Variants in ABI3BP observed in about 807,000 individuals in gnomAD.
ABI3BP encodes target of Nesh-SH3.
Under a neutral mutation model 268.6 loss-of-function variants are expected in ABI3BP, and 216 were observed. The observed-to-expected ratio is 0.80, with a 90% CI of 0.72 to 0.90. The LOEUF (loss-of-function observed/expected upper bound fraction) is 0.90. Among genes scored for constraint, ABI3BP ranks in the 40% least tolerant of loss-of-function variants. The probability of loss-of-function intolerance (pLI) is 0.00; values close to 1 mark genes in which losing one functional copy is unlikely to be tolerated. For missense variants in ABI3BP, 2,090 were observed against 2,182.4 expected, an observed-to-expected ratio of 0.96 and a Z score of 0.84; for synonymous variants, 730 against 730.0, an observed-to-expected ratio of 1.00 and a Z score of 0.00.
At chr3:100,977,340 G>A (rs531532328) in intron 1 of ABI3BP, among the ~76,000 whole-genome samples, 8 of 152,184 alleles carry the variant, frequency 5.3e-5, no homozygotes, top group Non-Finnish European at 1.2e-4. Context: ...CATCCATACA[G>A]TTTCTGTGGA....
At position 100,950,292 on chromosome 3, in the gene ABI3BP, G is replaced by A. The variant is rs565082282; in HGVS notation, c.80-23811C>T. Among the ~76,000 whole-genome samples the A allele has an allele frequency of 1.4e-3, 215 of 152,262 alleles. 2 individuals are homozygous for A. The highest frequency in any genetic ancestry group is 6.8e-3 in the Middle Eastern group (2 of 294). ...ACACATACAATAGTTTTTTAAAATG[G>A]AAAATATTATGCTTGATAGGAATTA... On this transcript the variant is annotated intron_variant, in intron 1 of 67. Coordinates refer to ENST00000471714, the MANE Select transcript of ABI3BP (RefSeq NM_001375547.2).
chr3:100,844,924 T>C (rs2098750441), intron 20 of ABI3BP, among the ~76,000 whole-genome samples: 1 of 152,210 alleles, frequency 6.6e-6, no homozygotes, highest in Non-Finnish European at 1.5e-5. Flanking sequence ...GATAAAAATA[T>C]AACCTTCCTC....
chr3:100,942,945 A>G (rs2070204203), intron 1 of ABI3BP, among the ~76,000 whole-genome samples: 2 of 152,142 alleles, frequency 1.3e-5, no homozygotes, highest in South Asian at 4.1e-4. Context: ...CTTCACTGTT[A>G]AATTTCCTAT....
In ABI3BP at chr3:100,864,083, T is replaced by TA. The variant is rs1311268330; in HGVS notation, c.1064-8dup. 2.1e-5 allele frequency: 32 copies of TA among 1,531,426 alleles called. No individual in the cohort carries two copies. The highest frequency in any genetic ancestry group is 2.6e-5 in the Non-Finnish European group (30 of 1,142,636). The allele number at this position is 1,531,426 out of a possible 1,614,324, so 94.9% of individuals were successfully genotyped here. On this transcript the variant is annotated splice_polypyrimidine_tract_variant and splice_region_variant and intron_variant, in intron 11 of 67. Coordinates refer to ENST00000471714, the MANE Select transcript of ABI3BP (RefSeq NM_001375547.2). ...GGGGTCCTTTTGCTGAGAACTACAA[T>TA]AAAAAAGAGTGCAGTTAGCAACTCC...
chr3:100,974,717 G>C (rs1338333391), intron 1 of ABI3BP, among the ~76,000 whole-genome samples: 1 of 152,100 alleles, frequency 6.6e-6, no homozygotes, highest in Non-Finnish European at 1.5e-5. Context: ...ATAGACAAAG[G>C]AACTAGAGAA....
At chr3:100,799,870 G>C (rs964753609) in intron 51 of ABI3BP, among the ~76,000 whole-genome samples, 6 of 152,130 alleles carry the variant, frequency 3.9e-5, no homozygotes, top group African/African-American at 1.2e-4. Context: ...CCTGACTTCT[G>C]TTTAGAAGTC....
chr3:100,780,298 T>C, intron 57 of ABI3BP, 89 bp from the exon 58 acceptor site: 1 of 1,233,762 alleles, frequency 8.1e-7, no homozygotes, highest in Non-Finnish European at 1.2e-6. Context: ...ACGTACATTC[T>C]TTGCAGAGCA....
chr3:100,792,021 G>A (rs565740542), intron 55 of ABI3BP, among the ~76,000 whole-genome samples: 33 of 151,854 alleles, frequency 2.2e-4, no homozygotes, highest in African/African-American at 7.2e-4. Context: ...ATGGGCAAAA[G>A]GGGTATTAGC....
intron 1 of ABI3BP, among the ~76,000 whole-genome samples, chr3:100,966,410 C>T (rs540791248): frequency 6.6e-6 from 1 of 152,292 alleles, no homozygotes; most frequent in East Asian, 1.9e-4. Flanking sequence ...AAATCCAGTC[C>T]ACCACCTGTT....
At chr3:100,896,010 GTACTCCAAA>G (rs1296753547) in intron 4 of ABI3BP, among the ~76,000 whole-genome samples, 1 of 152,130 alleles carries the variant, frequency 6.6e-6, no homozygotes, top group African/African-American at 2.4e-5. Flanking sequence ...AAATTTACTA[GTACTCCAAA>G]TACTCCTTTT....
chr3:100,777,346 C>T (rs993735900), intron 59 of ABI3BP, among the ~76,000 whole-genome samples: 13 of 152,178 alleles, frequency 8.5e-5, no homozygotes, highest in Admixed American at 8.5e-4. Context: ...GGGTGAAGAA[C>T]CCTCAGTATG....
chr3:100,755,965 C>T lies in ABI3BP; in HGVS notation c.4851-1274G>A, dbSNP rs536114201. Among the ~76,000 whole-genome samples, 247 of 151,524 alleles carry T rather than the reference C, an allele frequency of 1.6e-3. 1 individual carries two copies. Among genetic ancestry groups the T allele is most frequent in the African/African-American group, 5.8e-3 (235 of 40,838 alleles). ...AGCTGTCAGTTTGGTACGGATGGTA[C>T]TAAATGAGCAGGAAAAAAAATTTGA... On this transcript the variant is annotated intron_variant, in intron 63 of 67. Coordinates refer to ENST00000471714, the MANE Select transcript of ABI3BP (RefSeq NM_001375547.2).
intron 1 of ABI3BP, among the ~76,000 whole-genome samples, chr3:100,960,952 AG>A (rs1453665723): frequency 6.6e-6 from 1 of 152,244 alleles, no homozygotes; most frequent in South Asian, 2.1e-4. Context: ...GACTTGGAGC[AG>A]AGAAACTAGC....
At chr3:100,949,289 G>C (rs764075435) in intron 1 of ABI3BP, among the ~76,000 whole-genome samples, 2 of 151,966 alleles carry the variant, frequency 1.3e-5, no homozygotes, top group Non-Finnish European at 2.9e-5. Context: ...ACAGACTCTC[G>C]CTCTGTCACA....
chr3:100,805,415 C>T (rs55680585), intron 50 of ABI3BP, among the ~76,000 whole-genome samples: 21,032 of 152,036 alleles, frequency 0.14, 1,887 homozygotes, highest in South Asian at 0.27. Context: ...AATGAATTTG[C>T]TGACAACTAA....
At chr3:100,942,830 G>C (rs1367261629) in intron 1 of ABI3BP, among the ~76,000 whole-genome samples, 2 of 152,094 alleles carry the variant, frequency 1.3e-5, no homozygotes. Flanking sequence ...TCAAGTTTGA[G>C]AGCCATTACT....
At chr3:100,761,051 C>CTT (rs2095911532) in intron 63 of ABI3BP, among the ~76,000 whole-genome samples, 1 of 152,094 alleles carries the variant, frequency 6.6e-6, no homozygotes, top group South Asian at 2.1e-4. Context: ...TCAGTGGACC[C>CTT]CAGTGTCTGC....
chr3:100,835,643 C>T lies in ABI3BP; in HGVS notation c.2149G>A (p.Glu717Lys). The T allele has an allele frequency of 6.5e-7, 1 of 1,535,162 alleles. No homozygotes were observed. The highest frequency in any genetic ancestry group is 8.7e-7 in the Non-Finnish European group (1 of 1,146,278). Residue 717 changes from glutamate to lysine, a missense_variant, in exon 28 of 68, where the codon GAG becomes AAG. Physicochemically the swap from Glu to Lys is moderately conservative, Grantham distance 56 (BLOSUM62 1). Coordinates refer to ENST00000471714, the MANE Select transcript of ABI3BP (RefSeq NM_001375547.2). ...GCCTCAGTTCTCACAGTTACAGGCT[C>T]AATGTCTGTGGTGGGAACTAACCAA... Reference protein sequence around the residue: ...SMTIVPTTDIEPVTVRTEATV... With the variant: ...SMTIVPTTDIKPVTVRTEATV...
At chr3:100,830,736 T>A (rs2152800723) in intron 31 of ABI3BP, 102 bp from the exon 32 acceptor site, 1 of 851,706 alleles carries the variant, frequency 1.2e-6, no homozygotes. Context: ...GGCTGCAAAA[T>A]TAATTCTTAA....
Sources: gnomAD v4.1 joint callset for allele counts (sites outside exome capture counted in the v4.1 genomes callset) on GRCh38, gnomAD v4.1.1 for gene constraint, MANE v1.5 for transcripts, NCBI Gene and HGNC (gene_info 2026-07-23, HGNC 2026-07-21) for gene names.